OAT: variants seen among roughly 807,000 people sequenced by gnomAD.
The protein encoded by OAT is ornithine aminotransferase.
A neutral mutation model predicts 48.4 loss-of-function variants in OAT; 35 were observed. That is an observed-to-expected ratio of 0.72 (90% CI 0.55 to 0.96). The LOEUF is 0.96. OAT is among the 40% of genes least tolerant of loss of function. OAT has a pLI of 0.00. For missense variants in OAT, 438 were observed against 537.9 expected (o/e 0.81, Z 1.84); for synonymous variants, 182 against 198.4 (o/e 0.92, Z 0.70).
chr10:124,405,611 C>A (rs1951554224), intron 4 of OAT, 48 bp from the exon 5 acceptor site: 5 of 1,608,090 alleles, frequency 3.1e-6, no homozygotes, highest in Admixed American at 1.7e-5. Flanking sequence ...ACCCAAAATT[C>A]AATAAGCACT....
intron 9 of OAT, 96 bp downstream of exon 9, chr10:124,400,744 C>T (rs1455172872): frequency 5.0e-6 from 5 of 1,009,248 alleles, no homozygotes; most frequent in Admixed American, 2.4e-5. Context: ...AGCAAGACTC[C>T]GTCTCGAAAA....
rs933904727 is a variant in OAT at position 124,409,975 on chromosome 10, G to A, written c.200-1010C>T. Among the ~76,000 whole-genome samples, 4 of 152,100 alleles carry A rather than the reference G, an allele frequency of 2.6e-5. No individual in the cohort carries two copies. The South Asian group carries it at 8.3e-4, about 32-fold the overall frequency. On this transcript the variant is annotated intron_variant, in intron 2 of 9. Transcript: ENST00000368845. ...ATTGCTAGTGGGAAAGTAAAAACAA[G>A]GTTGCCATGTCATGTAATATGAAAC...
chr10:124,408,332 TATATATATATA>T (rs1283201511), intron 4 of OAT, among the ~76,000 whole-genome samples, 199 bp downstream of exon 4: 19 of 93,008 alleles, frequency 2.0e-4, no homozygotes, highest in African/African-American at 7.9e-4. Flanking sequence ...TATATATATA[TATATATATATA>T]TTTTTTTTTT....
chr10:124,403,125 T>TTC (rs1479701334), intron 6 of OAT, 70 bp from the exon 7 acceptor site: 11 of 1,535,428 alleles, frequency 7.2e-6, no homozygotes, highest in Admixed American at 3.3e-5. Context: ...CCATCCTTAT[T>TTC]TCACTGTCCC....
Position 124,397,587 on chromosome 10 carries a change from T to G in OAT, c.*355A>C. 5.0e-6 allele frequency: 1 copy of G among 201,552 alleles called. No individual in the cohort carries two copies. The highest frequency in any genetic ancestry group is 1.0e-5 in the Non-Finnish European group (1 of 97,676). The allele number at this position is 201,552 out of a possible 1,614,324, so 12.5% of individuals were successfully genotyped here. ...TATGCAATACCCAGAGATAACTTTT[T>G]CAAATATGAAACACTTATACCAGTG... is the stretch of plus-strand genomic sequence containing the variant. On this transcript the variant is annotated 3_prime_UTR_variant, in exon 10 of 10. Coordinates refer to ENST00000368845, the MANE Select transcript of OAT (RefSeq NM_000274.4).
At chr10:124,418,818 G>A (rs1418836586) in intron 1 of OAT, 55 bp downstream of exon 1, 4 of 152,310 alleles carry the variant, frequency 2.6e-5, no homozygotes, top group Non-Finnish European at 4.4e-5. Flanking sequence ...CGCTGTCAGG[G>A]AACCCCGGCC....
At chr10:124,417,751 C>T (rs1305463567) in intron 1 of OAT, among the ~76,000 whole-genome samples, 1 of 152,184 alleles carries the variant, frequency 6.6e-6, no homozygotes, top group Non-Finnish European at 1.5e-5. Flanking sequence ...ACTAGCTTAT[C>T]CACAGAAACC....
At chr10:124,417,760 C>A (rs1162412595) in intron 1 of OAT, among the ~76,000 whole-genome samples, 1 of 152,206 alleles carries the variant, frequency 6.6e-6, no homozygotes, top group East Asian at 1.9e-4. Context: ...TCCACAGAAA[C>A]CCTTTCAATC....
chr10:124,417,129 G>A (rs1442110458), intron 1 of OAT, among the ~76,000 whole-genome samples: 2 of 151,926 alleles, frequency 1.3e-5, no homozygotes, highest in African/African-American at 4.8e-5. Context: ...ATAAAGGCAC[G>A]CTATGGGGAT....
chr10:124,405,058 A>C (rs1951533194), intron 5 of OAT, among the ~76,000 whole-genome samples: 1 of 152,188 alleles, frequency 6.6e-6, no homozygotes, highest in Non-Finnish European at 1.5e-5. Context: ...AAAGAAATTA[A>C]TTACTTAAAT....
rs1564742697 is a variant in OAT at position 124,415,074 on chromosome 10, T to TGTGTCGCTAAAAAAAAAAAAAAAA, written c.-29-2875_-29-2874insTTTTTTTTTTTTTTTTAGCGACAC. On this transcript the variant is annotated intron_variant, in intron 1 of 9. Transcript: ENST00000368845. Reference sequence around the variant, plus strand: ...CACTCCAGCCTGGGCTACAAAGCGCTAAAAAAAAAAAAAAAAAAAAAAAAA... The same window carrying TGTGTCGCTAAAAAAAAAAAAAAAA: ...CACTCCAGCCTGGGCTACAAAGCGCTGTGTCGCTAAAAAAAAAAAAAAAAAAAAAAAAAAAAAAAAAAAAAAAAA... 1.2e-4 allele frequency: 2 copies of TGTGTCGCTAAAAAAAAAAAAAAAA among 16,854 alleles called. 1 individual carries two copies. The allele number at this position is 16,854 out of a possible 1,614,324, so 1.0% of individuals were successfully genotyped here.
intron 9 of OAT, among the ~76,000 whole-genome samples, 191 bp from the exon 10 acceptor site, chr10:124,398,293 G>A (rs903838546): frequency 1.3e-5 from 2 of 151,986 alleles, no homozygotes; most frequent in East Asian, 1.9e-4. Context: ...GGTGGATCAC[G>A]AGGTCAAGAG....
At chr10:124,405,809 T>A (rs1249919268) in intron 4 of OAT, 9 of 1,295,148 alleles carry the variant, frequency 6.9e-6, no homozygotes, top group Non-Finnish European at 7.9e-6. Flanking sequence ...CTGAGCCTCT[T>A]GACTGGAATA....
rs143934698 is a variant in OAT, at chr10:124,403,095, C to T, written c.772-40G>A. Reference sequence around the variant, plus strand: ...AAATACCCCTATTAGTGATCACTTTCGTTTCCACAGGGAAAATAGCCATCC... The same window carrying T: ...AAATACCCCTATTAGTGATCACTTTTGTTTCCACAGGGAAAATAGCCATCC... On this transcript the variant is annotated intron_variant, in intron 6 of 9. Transcript: ENST00000368845. 5.0e-4 allele frequency: 807 copies of T among 1,611,872 alleles called. 5 individuals carry two copies. The African/African-American group carries it at 8.2e-3, about 16-fold the overall frequency.
At chr10:124,402,890 G>A (rs768285498) in intron 7 of OAT, 37 bp downstream of exon 7, 2 of 1,611,592 alleles carry the variant, frequency 1.2e-6, no homozygotes, top group South Asian at 1.1e-5. Flanking sequence ...TATTTTACAA[G>A]AGTAGGAAAT....
In OAT at chr10:124,398,083, C is replaced by A; in HGVS notation, c.1179G>T (p.Val393=). 1 of 1,614,080 alleles carries A rather than the reference C, an allele frequency of 6.2e-7. No individual in the cohort carries two copies. Among genetic ancestry groups the A allele is most frequent in the East Asian group, 2.2e-5 (1 of 44,894 alleles). Residue 393 remains valine, a synonymous_variant, in exon 10 of 10, where the codon GTG becomes GTT. Transcript: ENST00000368845. The part of the protein sequence containing the change: ...KETKDWDAWK[V]CLRLRDNGLL... ...GTCCATTATCTCGAAGTCGTAGACACACCTTCCAAGCATCCCAATCTAAAG... is the reference window on the plus strand; with the variant it reads ...GTCCATTATCTCGAAGTCGTAGACAAACCTTCCAAGCATCCCAATCTAAAG...
intron 1 of OAT, among the ~76,000 whole-genome samples, chr10:124,413,106 C>A (rs1157002047): frequency 6.6e-6 from 1 of 152,106 alleles, no homozygotes; most frequent in Non-Finnish European, 1.5e-5. Context: ...AGCCTAAAAT[C>A]TTTTATTTAG....
intron 6 of OAT, 122 bp from the exon 7 acceptor site, chr10:124,403,177 T>G (rs1389115067): frequency 1.8e-6 from 2 of 1,117,632 alleles, no homozygotes; most frequent in East Asian, 4.7e-5. Flanking sequence ...GCCCTCAAAT[T>G]TGTAAAAATG....
rs1215232956 is a variant in OAT at position 124,400,703 on chromosome 10, T to C, written c.1159+137A>G. 6 of 627,314 alleles carry C rather than the reference T, an allele frequency of 9.6e-6. No homozygotes were observed. In the Admixed American group the frequency reaches 1.2e-4, roughly 13 times the overall value. 38.9% of individuals were successfully genotyped at this position (627,314 alleles called of 1,614,324 possible). On this transcript the variant is annotated intron_variant, in intron 9 of 9. Transcript: ENST00000368845. ...GGAGGCAGAGTGCAGTGAGCCAAGA[T>C]TGCGCCACGGCACTGCAGCCTAGGA...
Sources: allele counts gnomAD v4.1 joint callset (sites outside exome capture counted in the v4.1 genomes callset), GRCh38; gene constraint gnomAD v4.1.1; transcripts MANE v1.5; gene names NCBI Gene and HGNC (gene_info 2026-07-23, HGNC 2026-07-21).